Variants in CEP290 observed in about 807,000 individuals in gnomAD.
CEP290 encodes centrosomal protein of 290 kDa.
A neutral mutation model predicts 344.9 loss-of-function variants in CEP290; 317 were observed. That is an observed-to-expected ratio of 0.92 (90% CI 0.84 to 1.01). The LOEUF (loss-of-function observed/expected upper bound fraction) is 1.01, where lower values mean the gene tolerates loss of function less well. CEP290 is among the 50% of genes least tolerant of loss of function. The pLI is 0.00. For missense variants in CEP290, 2,754 were observed against 2,761.4 expected (o/e 1.00, Z 0.06); for synonymous variants, 932 against 895.8 (o/e 1.04, Z -0.72).
In CEP290 at chr12:88,050,350, T is replaced by G; in HGVS notation, c.7209+4A>C. ...AACGATACTAAAATATAATTAAATA[T>G]TACCTTCAAATGCTGCTTTTCTAGA... On this transcript the variant is annotated splice_donor_region_variant and intron_variant, in intron 53 of 53. Coordinates refer to ENST00000552810, the MANE Select transcript of CEP290 (RefSeq NM_025114.4). The G allele has an allele frequency of 1.4e-6, 2 of 1,413,886 alleles. No homozygotes were observed. Among genetic ancestry groups the G allele is most frequent in the Non-Finnish European group, 2.0e-6 (2 of 1,014,020 alleles). The allele number at this position is 1,413,886 out of a possible 1,614,324, so 87.6% of individuals were successfully genotyped here.
chr12:88,134,660 G>A (rs1271544915), intron 6 of CEP290, among the ~76,000 whole-genome samples: 1 of 152,088 alleles, frequency 6.6e-6, no homozygotes, highest in Non-Finnish European at 1.5e-5. Flanking sequence ...TACTCTTTCT[G>A]TGTCTCCATT....
intron 18 of CEP290, 94 bp from the exon 19 acceptor site, chr12:88,115,276 T>TAACAA: frequency 1.3e-6 from 1 of 772,814 alleles, no homozygotes. Flanking sequence ...CAATTAAGTA[T>TAACAA]AACAAAACAA....
chr12:88,065,063 T>A (rs1161684104), intron 44 of CEP290, among the ~76,000 whole-genome samples: 1 of 152,118 alleles, frequency 6.6e-6, no homozygotes, highest in Non-Finnish European at 1.5e-5. Context: ...TTATTTTTTT[T>A]AACTGTGCTT....
Position 88,118,712 on chromosome 12 carries a change from A to T in CEP290, c.1554T>A (p.Thr518=), listed in dbSNP as rs767529344. The change falls in exon 16 of 54, where the codon ACT becomes ACA. Residue 518 remains threonine, a synonymous_variant. Transcript: ENST00000552810. ...TTAAGTGTTTGCTATTTCTAAATTC[A>T]GTTAAATCAATCATTGTCTTTGGTT... ...GLEPKTMIDL[T]EFRNSKHLKQ... 2 of 1,612,608 alleles carry T rather than the reference A, an allele frequency of 1.2e-6. No individual in the cohort carries two copies. The highest frequency in any genetic ancestry group is 1.7e-6 in the Non-Finnish European group (2 of 1,179,480).
intron 13 of CEP290, among the ~76,000 whole-genome samples, 180 bp from the exon 14 acceptor site, chr12:88,121,346 C>A (rs1464367203): frequency 6.6e-6 from 1 of 152,032 alleles, no homozygotes; most frequent in Non-Finnish European, 1.5e-5. Context: ...TACTAAAAAA[C>A]TGAAGTTCAG....
At chr12:88,063,377 T>G (rs536052315) in intron 45 of CEP290, among the ~76,000 whole-genome samples, 39 of 152,182 alleles carry the variant, frequency 2.6e-4, no homozygotes, top group Admixed American at 2.0e-4. Flanking sequence ...AAAAAATCAT[T>G]ATTAATATCA....
intron 52 of CEP290, 81 bp from the exon 53 acceptor site, chr12:88,050,514 C>A: frequency 3.2e-6 from 2 of 630,440 alleles, no homozygotes; most frequent in Non-Finnish European, 5.5e-6. Flanking sequence ...TTCTAGAGAA[C>A]AGAGATACAT....
intron 37 of CEP290, 63 bp from the exon 38 acceptor site, chr12:88,080,458 CTCACTCTG>C: frequency 8.2e-7 from 1 of 1,213,968 alleles, no homozygotes; most frequent in Non-Finnish European, 1.2e-6. Flanking sequence ...GAGACCCAGT[CTCACTCTG>C]TCACCCAGGC....
intron 49 of CEP290, chr12:88,058,580 GCA>G: frequency 2.4e-6 from 1 of 422,644 alleles, no homozygotes; most frequent in South Asian, 3.1e-5. Context: ...GCTTCATGAC[GCA>G]CACACAGCTC....
Position 88,062,714 on chromosome 12 carries a change from C to A in CEP290, c.6335G>T (p.Arg2112Leu). Reference protein sequence around the residue: ...FLKKEKAEVQRKLGHVRGSGR... With the variant: ...FLKKEKAEVQLKLGHVRGSGR... ...TACCCCTCTAACATGGCCAAGTTTC[C>A]GCTGAACTTCTGCTTTTTCTTTCTT... is the stretch of plus-strand genomic sequence containing the variant. The change falls in exon 46 of 54, where the codon CGG becomes CTG. Residue 2112 changes from arginine (R) to leucine (L), a missense_variant. Coordinates refer to ENST00000552810, the MANE Select transcript of CEP290 (RefSeq NM_025114.4). The A allele has an allele frequency of 6.2e-7, 1 of 1,603,786 alleles. No homozygotes were observed. Among genetic ancestry groups the A allele is most frequent in the African/African-American group, 1.3e-5 (1 of 74,914 alleles).
intron 45 of CEP290, 96 bp from the exon 46 acceptor site, chr12:88,062,874 C>A: frequency 1.4e-6 from 1 of 729,376 alleles, no homozygotes; most frequent in Non-Finnish European, 2.3e-6. Context: ...ATCTCTTCAA[C>A]TGTATTGCCA....
chr12:88,126,159 G>A (rs1268163020), intron 12 of CEP290, among the ~76,000 whole-genome samples, 157 bp downstream of exon 12: 1 of 151,824 alleles, frequency 6.6e-6, no homozygotes, highest in East Asian at 1.9e-4. Flanking sequence ...TTTTTTATTG[G>A]GACCAGGTGG....
chr12:88,062,671 G>A lies in CEP290; in HGVS notation c.6357+21C>T, dbSNP rs2034569214. On this transcript the variant is annotated intron_variant, in intron 46 of 53. Coordinates refer to ENST00000552810, the MANE Select transcript of CEP290 (RefSeq NM_025114.4). ...TATCACTGCTGAAACCAAAACAAAT[G>A]TATGGTAAATTCTCACATACCCCTC... is the stretch of plus-strand genomic sequence containing the variant. 2.6e-6 allele frequency: 4 copies of A among 1,534,834 alleles called. No individual in the cohort carries two copies. The African/African-American group carries it at 4.1e-5, about 16-fold the overall frequency.
Position 88,083,158 on chromosome 12 carries a change from T to C in CEP290, c.4885A>G (p.Thr1629Ala). 6.4e-7 allele frequency: 1 copy of C among 1,553,660 alleles called. No homozygotes were observed. Among genetic ancestry groups the C allele is most frequent in the Non-Finnish European group, 8.7e-7 (1 of 1,149,930 alleles). Residue 1629 changes from threonine to alanine, a missense_variant, in exon 37 of 54, where the codon ACA becomes GCA. Coordinates refer to ENST00000552810, the MANE Select transcript of CEP290 (RefSeq NM_025114.4). Reference protein sequence around the residue: ...HFIRLAEMEQTVAEQDDSLSS... With the variant: ...HFIRLAEMEQAVAEQDDSLSS... ...AGAGAGTCATCTTGTTCTGCTACTG[T>C]CTGTTCCATCTCAGCCAGACGAATA...
Position 88,049,333 on chromosome 12 carries a change from A to AATT in CEP290, c.7288_7290dup (p.Asn2430dup), listed in dbSNP as rs762377176. ...ATATTCTTCTTCACTTCTTCCTTGT[A>AATT]ATTATACTTAAGATCTTCAATTTCT... On this transcript the variant is annotated inframe_insertion, in exon 54 of 54. Coordinates refer to ENST00000552810, the MANE Select transcript of CEP290 (RefSeq NM_025114.4). 2.5e-6 allele frequency: 4 copies of AATT among 1,586,278 alleles called. No homozygotes were observed. The highest frequency in any genetic ancestry group is 2.2e-5 in the East Asian group (1 of 44,554).
chr12:88,109,671 G>GT (rs1256450840), intron 22 of CEP290, among the ~76,000 whole-genome samples: 1 of 152,158 alleles, frequency 6.6e-6, no homozygotes, highest in Non-Finnish European at 1.5e-5. Context: ...CAACATTTGA[G>GT]TTTGGGTCTG....
intron 15 of CEP290, among the ~76,000 whole-genome samples, chr12:88,119,341 T>C (rs896661861): frequency 2.2e-4 from 33 of 152,180 alleles, no homozygotes; most frequent in African/African-American, 7.2e-4. Context: ...CAACTTAGTC[T>C]GCACTATCAT....
Position 88,050,448 on chromosome 12 carries a change from A to G in CEP290, c.7130-15T>C. On this transcript the variant is annotated splice_polypyrimidine_tract_variant and intron_variant, in intron 52 of 53. Coordinates refer to ENST00000552810, the MANE Select transcript of CEP290 (RefSeq NM_025114.4). ...TTGATCAGCATCTGTTGAAAAAGTC[A>G]TACAAATTAGACTCAGCTTTTTCCC... 2 of 1,354,406 alleles carry G rather than the reference A, an allele frequency of 1.5e-6. No homozygotes were observed. The highest frequency in any genetic ancestry group is 2.1e-6 in the Non-Finnish European group (2 of 960,930). 83.9% of individuals were successfully genotyped at this position (1,354,406 alleles called of 1,614,324 possible).
chr12:88,136,295 C>T (rs2138207550), intron 6 of CEP290: 1 of 219,830 alleles, frequency 4.5e-6, no homozygotes, highest in Non-Finnish European at 9.0e-6. Context: ...ATAACTTTTA[C>T]CCAAAATAAA....
Sources: allele counts gnomAD v4.1 joint callset (sites outside exome capture counted in the v4.1 genomes callset), GRCh38; gene constraint gnomAD v4.1.1; transcripts MANE v1.5; gene names NCBI Gene and HGNC (gene_info 2026-07-23, HGNC 2026-07-21).